Variants in GNA12 observed in about 807,000 individuals in gnomAD.
GNA12 encodes the protein guanine nucleotide-binding protein subunit alpha-12.
In GNA12, 9 loss-of-function variants were observed where a neutral mutation model predicts 26.0. The observed-to-expected ratio is 0.35, with a 90% CI of 0.21 to 0.60. The LOEUF (loss-of-function observed/expected upper bound fraction) is 0.60, where lower values mean the gene tolerates loss of function less well. Among genes scored for constraint, GNA12 ranks in the 20% least tolerant of loss-of-function variants. GNA12 has a pLI of 0.78. For missense variants in GNA12, 405 were observed against 525.8 expected (o/e 0.77, Z 2.25); for synonymous variants, 264 against 219.6 (o/e 1.20, Z -1.79).
At chr7:2,785,844 C>T (rs1481532730) in intron 2 of GNA12, among the ~76,000 whole-genome samples, 1 of 152,106 alleles carries the variant, frequency 6.6e-6, no homozygotes, top group East Asian at 1.9e-4. Context: ...TTCAGGAGTT[C>T]AAGACCAGCC....
intron 1 of GNA12, among the ~76,000 whole-genome samples, chr7:2,810,206 G>A (rs1217594225): frequency 6.6e-6 from 1 of 152,196 alleles, no homozygotes; most frequent in African/African-American, 2.4e-5. Context: ...ACTCTAAGAT[G>A]GAGACTGGTG....
chr7:2,824,890 C>A (rs925811100), intron 1 of GNA12, among the ~76,000 whole-genome samples: 7 of 152,202 alleles, frequency 4.6e-5, no homozygotes, highest in African/African-American at 1.7e-4. Context: ...TGCATTTGAA[C>A]AGCATGGCCA....
intron 2 of GNA12, among the ~76,000 whole-genome samples, chr7:2,788,520 T>G (rs1425793985): frequency 6.6e-6 from 1 of 152,202 alleles, no homozygotes; most frequent in African/African-American, 2.4e-5. Context: ...TACATGTAAT[T>G]GACTGGCCAC....
intron 2 of GNA12, among the ~76,000 whole-genome samples, chr7:2,742,893 C>T (rs1462263397): frequency 6.6e-6 from 1 of 152,218 alleles, no homozygotes; most frequent in Non-Finnish European, 1.5e-5. Context: ...CCTAGTCACC[C>T]TGCTAAGCTC....
At chr7:2,755,475 C>T (rs973945374) in intron 2 of GNA12, among the ~76,000 whole-genome samples, 1 of 152,352 alleles carries the variant, frequency 6.6e-6, no homozygotes, top group African/African-American at 2.4e-5. Context: ...GTTAAATTTA[C>T]ACCACAGTAT....
intron 1 of GNA12, among the ~76,000 whole-genome samples, chr7:2,843,313 C>T (rs577940234): frequency 6.6e-6 from 1 of 152,182 alleles, no homozygotes; most frequent in African/African-American, 2.4e-5. Context: ...GAAGCTGGCC[C>T]GAGTTCCCAC....
intron 1 of GNA12, among the ~76,000 whole-genome samples, chr7:2,841,175 G>C (rs143976478): frequency 2.3e-4 from 35 of 151,948 alleles, no homozygotes; most frequent in Admixed American, 8.5e-4. Flanking sequence ...TTTTTGAGAC[G>C]GAGTCTCGCT....
chr7:2,752,976 T>C (rs535872938), intron 2 of GNA12, among the ~76,000 whole-genome samples: 261 of 152,252 alleles, frequency 1.7e-3, no homozygotes, highest in Non-Finnish European at 3.2e-3. Context: ...ACCACAACGG[T>C]CTCCCTCGTG....
intron 2 of GNA12, chr7:2,763,327 A>C (rs1791663954): frequency 1.2e-5 from 2 of 163,276 alleles, no homozygotes; most frequent in South Asian, 2.0e-4. Flanking sequence ...GACGGCACAA[A>C]TGCCGGTGCG....
rs750875333 is a variant in GNA12, at chr7:2,839,445, G to A, written c.309+4408C>T. Among the ~76,000 whole-genome samples the A allele has an allele frequency of 4.6e-5, 7 of 152,212 alleles. No individual in the cohort carries two copies. The East Asian group carries it at 5.8e-4, about 13-fold the overall frequency. ...GTCGCCCAGGCTGGAGTACAGTGGC[G>A]TGCTCTCTGTGCACTGCAACCTATG... On this transcript the variant is annotated intron_variant, in intron 1 of 3. Coordinates refer to ENST00000275364, the MANE Select transcript of GNA12 (RefSeq NM_007353.3).
rs558434405 is a variant in GNA12 at position 2,837,929 on chromosome 7, GA to G, written c.309+5923del. Reference sequence around the variant, plus strand: ...CTAATGAGTTTTTAAAATCACAGTTGATGACTGAAGTAAACCACCTGATGTG... The same window carrying G: ...CTAATGAGTTTTTAAAATCACAGTTGTGACTGAAGTAAACCACCTGATGTG... On this transcript the variant is annotated intron_variant, in intron 1 of 3. Coordinates refer to ENST00000275364, the MANE Select transcript of GNA12 (RefSeq NM_007353.3). 2.6e-3 allele frequency among the ~76,000 whole-genome samples: 403 copies of G among 152,170 alleles called. 2 individuals carry two copies. Among genetic ancestry groups the G allele is most frequent in the Middle Eastern group, 0.01 (3 of 294 alleles).
intron 1 of GNA12, among the ~76,000 whole-genome samples, chr7:2,800,946 G>C (rs534189583): frequency 6.6e-6 from 1 of 152,148 alleles, no homozygotes; most frequent in South Asian, 2.1e-4. Flanking sequence ...AGAACCCAAG[G>C]AAACAAAGGC....
intron 1 of GNA12, among the ~76,000 whole-genome samples, chr7:2,810,784 G>C (rs1793061444): frequency 6.6e-6 from 1 of 152,168 alleles, no homozygotes; most frequent in African/African-American, 2.4e-5. Context: ...TGTGATCCCA[G>C]CTACGTGGGA....
intron 1 of GNA12, among the ~76,000 whole-genome samples, chr7:2,841,155 CTTTTT>C (rs896326506): frequency 1.3e-5 from 2 of 152,024 alleles, no homozygotes; most frequent in Admixed American, 1.3e-4. Flanking sequence ...TTCTTTTTTT[CTTTTT>C]CTTTTTTTTG....
At chr7:2,742,049 T>C (rs188321798) in intron 2 of GNA12, among the ~76,000 whole-genome samples, 15 of 151,840 alleles carry the variant, frequency 9.9e-5, no homozygotes, top group Admixed American at 9.9e-4. Flanking sequence ...TGAGATGGAG[T>C]CTCACCCTGT....
chr7:2,834,240 T>G (rs1475364463), intron 1 of GNA12, among the ~76,000 whole-genome samples: 2 of 152,274 alleles, frequency 1.3e-5, no homozygotes, highest in East Asian at 1.9e-4. Flanking sequence ...GTAGAGGCAT[T>G]AAGATGGTTC....
chr7:2,766,889 C>T (rs928471346), intron 2 of GNA12, among the ~76,000 whole-genome samples: 2 of 152,194 alleles, frequency 1.3e-5, no homozygotes, highest in African/African-American at 4.8e-5. Flanking sequence ...CCATTCCTCA[C>T]CAACACTTGT....
chr7:2,839,144 A>T (rs1220926173), intron 1 of GNA12, among the ~76,000 whole-genome samples: 1 of 152,248 alleles, frequency 6.6e-6, no homozygotes, highest in Non-Finnish European at 1.5e-5. Flanking sequence ...AAACAAACCA[A>T]TACATTTAAA....
At chr7:2,815,014 T>C (rs996392390) in intron 1 of GNA12, 4 of 1,527,820 alleles carry the variant, frequency 2.6e-6, no homozygotes, top group Non-Finnish European at 3.5e-6. Flanking sequence ...ATCTCGCCCC[T>C]TCCACCCAAT....
Sources: allele counts gnomAD v4.1 joint callset (sites outside exome capture counted in the v4.1 genomes callset), GRCh38; gene constraint gnomAD v4.1.1; transcripts MANE v1.5; gene names NCBI Gene and HGNC (gene_info 2026-07-23, HGNC 2026-07-21).